The following TRIM16 variants were observed in gnomAD, a reference collection of about 807,000 sequenced individuals.
The protein encoded by TRIM16 is tripartite motif containing 16.
A neutral mutation model predicts 50.4 loss-of-function variants in TRIM16; 33 were observed. That is an observed-to-expected ratio of 0.65 (90% CI 0.50 to 0.88). TRIM16 has a LOEUF of 0.88. Ranked by LOEUF, TRIM16 falls within the 40% of genes least tolerant of loss-of-function variation. The probability of loss-of-function intolerance (pLI) is 0.00; values close to 1 mark genes in which losing one functional copy is unlikely to be tolerated. For synonymous variants in TRIM16, 229 were observed against 270.7 expected (o/e 0.85, Z 1.51); for missense variants, 581 against 686.8 (o/e 0.85, Z 1.72).
In TRIM16 at chr17:15,636,083, C is replaced by G; in HGVS notation, c.802G>C (p.Glu268Gln). The G allele has an allele frequency of 5.6e-6, 9 of 1,609,598 alleles. No individual in the cohort carries two copies. Among genetic ancestry groups the G allele is most frequent in the Non-Finnish European group, 7.6e-6 (9 of 1,178,792 alleles). The part of the protein sequence containing the change: ...RSAEMEKSKQ[E>Q]LERMAAISNT... Reference sequence around the variant, plus strand: ...CTGATGGCCGCCATCCTCTCCAGCTCCTGCTTGCTCTTCTCCATCTCGGCA... The same window carrying G: ...CTGATGGCCGCCATCCTCTCCAGCTGCTGCTTGCTCTTCTCCATCTCGGCA... Residue 268 changes from glutamate to glutamine, a missense_variant, in exon 9 of 12, where the codon GAG becomes CAG. Around this residue, in one of 3 missense-constraint regions of TRIM16, gnomAD observed 450 missense variants for 544.3 expected, o/e 0.83. Coordinates refer to ENST00000649191, the MANE Select transcript of TRIM16 (RefSeq NM_001348119.1).
At chr17:15,641,087 TG>T in intron 8 of TRIM16, among the ~76,000 whole-genome samples, 1 of 148,286 alleles carries the variant, frequency 6.7e-6, no homozygotes, top group Non-Finnish European at 1.5e-5. Context: ...GAAAGGATAG[TG>T]GAAGGGAGGT....
In TRIM16 at chr17:15,628,944, G is replaced by A. The variant is rs570022659; in HGVS notation, c.1366C>T (p.Arg456Cys). 28 of 1,614,094 alleles carry A rather than the reference G, an allele frequency of 1.7e-5. No homozygotes were observed. The Middle Eastern group carries it at 4.9e-4, about 28-fold the overall frequency. ...CKGIDRKGEE[R>C]NSCISGNNFS... ...TTGTTTCCGGAAATGCAACTGTTGC[G>A]CTCCTCCCCTTTCCGGTCGATGCCT... is the stretch of plus-strand genomic sequence containing the variant. The change falls in exon 12 of 12, where the codon CGC (arginine) becomes TGC (cysteine). Residue 456 changes from arginine (R) to cysteine (C), a missense_variant. Coordinates refer to ENST00000649191, the MANE Select transcript of TRIM16 (RefSeq NM_001348119.1).
chr17:15,665,140 C>T (rs763331990), intron 6 of TRIM16, among the ~76,000 whole-genome samples: 7 of 151,736 alleles, frequency 4.6e-5, no homozygotes, highest in Non-Finnish European at 8.8e-5. Flanking sequence ...CTTTTTTAAG[C>T]TGCTGCTATA....
intron 11 of TRIM16, among the ~76,000 whole-genome samples, chr17:15,630,153 A>G (rs1216712772): frequency 1.3e-5 from 2 of 152,062 alleles, no homozygotes; most frequent in African/African-American, 4.8e-5. Flanking sequence ...TGCTGACCTC[A>G]GACCTACTCA....
intron 8 of TRIM16, among the ~76,000 whole-genome samples, chr17:15,640,584 T>C (rs1247507445): frequency 6.7e-6 from 1 of 148,936 alleles, no homozygotes; most frequent in Non-Finnish European, 1.5e-5. Context: ...GCAAACACTG[T>C]AAATTCTGAT....
At chr17:15,630,879 T>C (rs1336666868) in intron 11 of TRIM16, among the ~76,000 whole-genome samples, 5 of 151,458 alleles carry the variant, frequency 3.3e-5, no homozygotes, top group Non-Finnish European at 7.4e-5. Context: ...ATACAAAATA[T>C]GTGTTTAGTG....
intron 6 of TRIM16, among the ~76,000 whole-genome samples, chr17:15,652,417 C>A (rs1171785741): frequency 3.5e-5 from 5 of 143,974 alleles, no homozygotes; most frequent in African/African-American, 1.3e-4. Context: ...CCTCGGCCTC[C>A]CAAAGTGCTA....
At chr17:15,649,569 A>G (rs889787723) in intron 7 of TRIM16, among the ~76,000 whole-genome samples, 1 of 152,222 alleles carries the variant, frequency 6.6e-6, no homozygotes, top group Non-Finnish European at 1.5e-5. Context: ...TACAGGTGTC[A>G]GTCACCGTGC....
intron 9 of TRIM16, among the ~76,000 whole-genome samples, chr17:15,634,297 C>G (rs1339993762): frequency 1.4e-5 from 2 of 146,894 alleles, no homozygotes; most frequent in Non-Finnish European, 3.0e-5. Flanking sequence ...CCATTGCACT[C>G]TGGCCTGGGC....
intron 11 of TRIM16, 105 bp downstream of exon 11, chr17:15,631,514 G>C: frequency 2.0e-6 from 2 of 989,792 alleles, no homozygotes; most frequent in Non-Finnish European, 3.0e-6. Context: ...AGATAGATAT[G>C]AAGTTGCAAG....
chr17:15,665,938 C>T (rs1988478961), intron 6 of TRIM16, among the ~76,000 whole-genome samples: 1 of 151,450 alleles, frequency 6.6e-6, no homozygotes, highest in African/African-American at 2.4e-5. Flanking sequence ...AAATTTAACC[C>T]TCCTCATGTT....
Position 15,636,225 on chromosome 17 carries a change from C to G in TRIM16, c.660G>C (p.Gly220=). The G allele has an allele frequency of 1.2e-6, 2 of 1,608,806 alleles. No homozygotes were observed. Among genetic ancestry groups the G allele is most frequent in the Non-Finnish European group, 1.7e-6 (2 of 1,178,292 alleles). ...EVKAVAEMQF[G]ELLAAVRKAQ... ...CCTTCCTCACAGCAGCAAGGAGTTC[C>G]CCAAACTGCATTTCAGCCACCGCTT... The change falls in exon 9 of 12, where the codon GGG becomes GGC. Residue 220 remains glycine (G), a synonymous_variant. Transcript: ENST00000649191.
intron 6 of TRIM16, among the ~76,000 whole-genome samples, chr17:15,660,897 C>CAAA (rs550489491): frequency 1.0e-3 from 61 of 60,066 alleles, no homozygotes; most frequent in East Asian, 4.7e-3. Context: ...GACTCCATCT[C>CAAA]AAAAAAAAAA....
At chr17:15,663,625 A>T (rs1013675614) in intron 6 of TRIM16, among the ~76,000 whole-genome samples, 1 of 152,172 alleles carries the variant, frequency 6.6e-6, no homozygotes, top group Non-Finnish European at 1.5e-5. Flanking sequence ...ATCATGTAAG[A>T]TAACGTGTCC....
At position 15,677,694 on chromosome 17, in the gene TRIM16, T is replaced by C. The variant is rs1425221362; in HGVS notation, c.-562A>G. On this transcript the variant is annotated 5_prime_UTR_variant, in exon 5 of 12. The change abolishes an upstream ATG in the 5' untranslated region. Transcript: ENST00000649191. Reference sequence around the variant, plus strand: ...TTCACAGCCACATCCTTGAATGACATAAAGCCCTGAAACACCTGCATGGGG... The same window carrying C: ...TTCACAGCCACATCCTTGAATGACACAAAGCCCTGAAACACCTGCATGGGG... 9.9e-7 allele frequency: 1 copy of C among 1,010,442 alleles called. No individual in the cohort carries two copies. Among genetic ancestry groups the C allele is most frequent in the Non-Finnish European group, 1.2e-6 (1 of 842,352 alleles). 62.6% of individuals were successfully genotyped at this position (1,010,442 alleles called of 1,614,324 possible). A position where few individuals can be genotyped will look rare whatever the true frequency, so the allele number is the denominator to read the frequency against.
Position 15,636,274 on chromosome 17 carries a change from C to A in TRIM16, c.616-5G>T. ...TTTGACCTCTGACACCGACACCTGG[C>A]AGGGGGTGGGGGTGGAAGGCAGCCA... On this transcript the variant is annotated splice_region_variant and splice_polypyrimidine_tract_variant and intron_variant, in intron 8 of 11. Coordinates refer to ENST00000649191, the MANE Select transcript of TRIM16 (RefSeq NM_001348119.1). 2 of 1,608,296 alleles carry A rather than the reference C, an allele frequency of 1.2e-6. No homozygotes were observed. Among genetic ancestry groups the A allele is most frequent in the Non-Finnish European group, 1.7e-6 (2 of 1,177,982 alleles).
intron 6 of TRIM16, among the ~76,000 whole-genome samples, chr17:15,662,660 C>G (rs1469004517): frequency 6.6e-6 from 1 of 152,158 alleles, no homozygotes; most frequent in Non-Finnish European, 1.5e-5. Flanking sequence ...ACTGCTGCTG[C>G]CACCACCAGC....
chr17:15,673,266 T>C (rs1020340609), intron 6 of TRIM16, among the ~76,000 whole-genome samples: 2 of 152,252 alleles, frequency 1.3e-5, no homozygotes, highest in East Asian at 1.9e-4. Context: ...ATTTTGGGCA[T>C]TTCAAAAATT....
intron 6 of TRIM16, 99 bp downstream of exon 6, chr17:15,677,077 G>A: frequency 9.4e-6 from 6 of 636,862 alleles, no homozygotes; most frequent in Non-Finnish European, 1.2e-5. Context: ...GTGAAGATGA[G>A]ACTGCAGGGG....
Sources: gnomAD v4.1 joint callset for allele counts (sites outside exome capture counted in the v4.1 genomes callset) on GRCh38, gnomAD v4.1.1 for gene constraint, gnomAD v4.1.1 regional missense constraint, MANE v1.5 for transcripts, NCBI Gene and HGNC (gene_info 2026-07-23, HGNC 2026-07-21) for gene names.